FGF14: variants seen among roughly 807,000 people sequenced by gnomAD.
FGF14 encodes the protein fibroblast growth factor 14.
In FGF14, 5 loss-of-function variants were observed where a neutral mutation model predicts 25.5. The observed-to-expected ratio is 0.20, with a 90% CI of 0.10 to 0.41. The LOEUF (loss-of-function observed/expected upper bound fraction) is 0.41, where lower values mean the gene tolerates loss of function less well. Ranked by LOEUF, FGF14 falls within the 10% of genes least tolerant of loss-of-function variation. FGF14 has a pLI of 1.00. For missense variants in FGF14, 222 were observed against 320.1 expected, an observed-to-expected ratio of 0.69 and a Z score of 2.34; for synonymous variants, 138 against 118.3, an observed-to-expected ratio of 1.17 and a Z score of -1.08.
In FGF14 at chr13:101,905,684, C is replaced by T. The variant is rs1255241187; in HGVS notation, c.193+10769G>A. ...AACTGCACATTCTGCACATGTACCC[C>T]GGAACTTAAAGTATAATAATAATAA... is the stretch of plus-strand genomic sequence containing the variant. On this transcript the variant is annotated intron_variant, in intron 1 of 4. Coordinates refer to ENST00000376143, the MANE Select transcript of FGF14 (RefSeq NM_004115.4). Among the ~76,000 whole-genome samples the T allele has an allele frequency of 7.9e-5, 12 of 151,852 alleles. No individual in the cohort carries two copies. The East Asian group carries it at 9.7e-4, about 12-fold the overall frequency.
At chr13:101,773,957 C>A (rs945580712) in intron 3 of FGF14, among the ~76,000 whole-genome samples, 1 of 151,098 alleles carries the variant, frequency 6.6e-6, no homozygotes, top group African/African-American at 2.4e-5. Context: ...ACAGTAGACA[C>A]TCCATTAGTA....
At chr13:101,748,368 G>C (rs911459316) in intron 3 of FGF14, among the ~76,000 whole-genome samples, 4 of 151,922 alleles carry the variant, frequency 2.6e-5, no homozygotes, top group African/African-American at 9.7e-5. Flanking sequence ...TATCTTAAGT[G>C]AAATAACTCA....
chr13:101,801,598 T>G (rs540317949), intron 3 of FGF14, among the ~76,000 whole-genome samples: 1 of 152,216 alleles, frequency 6.6e-6, no homozygotes, highest in South Asian at 2.1e-4. Context: ...TAGTTCTGAC[T>G]GATCTATTTA....
At chr13:101,799,105 C>A (rs190324703) in intron 3 of FGF14, among the ~76,000 whole-genome samples, 101 of 152,212 alleles carry the variant, frequency 6.6e-4, no homozygotes, top group Non-Finnish European at 1.0e-3. Flanking sequence ...TTTTATGCAA[C>A]ATGAGTGTAC....
Position 101,870,408 on chromosome 13 carries a change from C to T in FGF14, c.305-1580G>A, listed in dbSNP as rs576398276. ...AACCATAATCATATGACTGTCCACG[C>T]AAGGTACACTAACTTAATCAATTCA... On this transcript the variant is annotated intron_variant, in intron 2 of 4. Coordinates refer to ENST00000376143, the MANE Select transcript of FGF14 (RefSeq NM_004115.4). Among the ~76,000 whole-genome samples the T allele has an allele frequency of 2.6e-5, 4 of 152,248 alleles. No homozygotes were observed. The South Asian group carries it at 8.3e-4, about 32-fold the overall frequency.
chr13:102,124,873 C>G (rs754383611), intron 1 of FGF14, among the ~76,000 whole-genome samples: 3 of 152,096 alleles, frequency 2.0e-5, no homozygotes, highest in African/African-American at 4.8e-5. Context: ...AAATTCTTAT[C>G]TTTACCTTCC....
intron 1 of FGF14, among the ~76,000 whole-genome samples, chr13:102,351,554 G>A (rs2057281085): frequency 6.6e-6 from 1 of 152,242 alleles, no homozygotes; most frequent in Admixed American, 6.5e-5. Flanking sequence ...GACAGTTGCT[G>A]TGGGTCAGAA....
At chr13:102,103,310 G>A (rs1176144741) in intron 1 of FGF14, among the ~76,000 whole-genome samples, 1 of 149,742 alleles carries the variant, frequency 6.7e-6, no homozygotes, top group African/African-American at 2.5e-5. Flanking sequence ...AAATAACTGT[G>A]TCATTTTAGA....
intron 3 of FGF14, among the ~76,000 whole-genome samples, chr13:101,794,045 G>C (rs1404405213): frequency 6.6e-6 from 1 of 152,044 alleles, no homozygotes; most frequent in Non-Finnish European, 1.5e-5. Flanking sequence ...AATTCAAGCA[G>C]TTATGTCCTC....
intron 1 of FGF14, among the ~76,000 whole-genome samples, chr13:102,130,859 C>T (rs186861411): frequency 5.6e-4 from 85 of 152,128 alleles, no homozygotes; most frequent in African/African-American, 1.6e-3. Flanking sequence ...CCACTATACC[C>T]GAAGGCTATA....
At chr13:102,372,834 C>G (rs764037046) in intron 1 of FGF14, among the ~76,000 whole-genome samples, 6 of 152,208 alleles carry the variant, frequency 3.9e-5, no homozygotes, top group Admixed American at 3.9e-4. Flanking sequence ...CTTTCTACAA[C>G]GCAGGGGCTA....
Position 101,850,541 on chromosome 13 carries a change from A to C in FGF14, c.408+18184T>G, listed in dbSNP as rs375855252. ...AATTATATATTCTATATATATATAT[A>C]TATATATATAGAATTATATATTCTA... On this transcript the variant is annotated intron_variant, in intron 3 of 4. Transcript: ENST00000376143. Among the ~76,000 whole-genome samples the C allele has an allele frequency of 5.1e-4, 3 of 5,838 alleles. 1 individual carries two copies. The highest frequency in any genetic ancestry group is 1.5e-3 in the African/African-American group (2 of 1,306). 3.8% of individuals were successfully genotyped at this position (5,838 alleles called of 152,430 possible). A position where few individuals can be genotyped will look rare whatever the true frequency, so the allele number is the denominator to read the frequency against.
At chr13:101,976,269 T>A (rs1311609404) in intron 1 of FGF14, among the ~76,000 whole-genome samples, 1 of 152,172 alleles carries the variant, frequency 6.6e-6, no homozygotes, top group South Asian at 2.1e-4. Flanking sequence ...CTATACCTTA[T>A]CCAGTTTGTA....
chr13:101,825,768 T>C (rs556647624), intron 3 of FGF14, among the ~76,000 whole-genome samples: 1 of 152,284 alleles, frequency 6.6e-6, no homozygotes, highest in East Asian at 1.9e-4. Flanking sequence ...GAGATTCAAG[T>C]GTCTCAAGCT....
chr13:101,906,775 T>G (rs950159224), intron 1 of FGF14, among the ~76,000 whole-genome samples: 6 of 152,102 alleles, frequency 3.9e-5, no homozygotes, highest in Non-Finnish European at 8.8e-5. Flanking sequence ...AAAATTAACA[T>G]AGAAAAACTA....
intron 1 of FGF14, chr13:102,367,753 C>T (rs1000219277): frequency 1.3e-5 from 2 of 152,140 alleles, no homozygotes; most frequent in African/African-American, 4.8e-5. Flanking sequence ...ATGATCTAAC[C>T]TCTCTGAACT....
At chr13:102,001,779 T>TGTA (rs2039509300) in intron 1 of FGF14, among the ~76,000 whole-genome samples, 1 of 152,042 alleles carries the variant, frequency 6.6e-6, no homozygotes, top group Non-Finnish European at 1.5e-5. Context: ...ACCAATGGAT[T>TGTA]TGTCAACAGA....
chr13:102,120,730 G>A (rs1012384675), intron 1 of FGF14, among the ~76,000 whole-genome samples: 9 of 145,278 alleles, frequency 6.2e-5, no homozygotes, highest in Admixed American at 1.4e-4. Context: ...TCGAGACAGA[G>A]TCTCCTTTTG....
intron 1 of FGF14, among the ~76,000 whole-genome samples, chr13:102,283,464 G>A (rs1160000047): frequency 6.6e-6 from 1 of 152,176 alleles, no homozygotes; most frequent in African/African-American, 2.4e-5. Flanking sequence ...TATGGAGGAT[G>A]CATATTAAGT....
Sources: gnomAD v4.1 joint callset for allele counts (sites outside exome capture counted in the v4.1 genomes callset) on GRCh38, gnomAD v4.1.1 for gene constraint, MANE v1.5 for transcripts, NCBI Gene and HGNC (gene_info 2026-07-23, HGNC 2026-07-21) for gene names.